Variants in CAPN9 observed in about 807,000 individuals in gnomAD.
CAPN9 encodes calpain 9.
Under a neutral mutation model 92.8 loss-of-function variants are expected in CAPN9, and 81 were observed. The ratio of observed to expected loss-of-function variants is 0.87; its 90% CI spans 0.73 to 1.05. CAPN9 has a LOEUF of 1.05. CAPN9 is among the 50% of genes least tolerant of loss of function. CAPN9 has a pLI of 0.00. For missense variants in CAPN9, 848 were observed against 866.2 expected (o/e 0.98, Z 0.26); for synonymous variants, 304 against 328.0 (o/e 0.93, Z 0.79).
At position 230,748,201 on chromosome 1, in the gene CAPN9, C is replaced by T. The variant is rs571020230; in HGVS notation, c.213+492C>T. 7.2e-5 allele frequency among the ~76,000 whole-genome samples: 11 copies of T among 152,314 alleles called. No homozygotes were observed. The South Asian group carries it at 2.1e-3, about 29-fold the overall frequency. ...TACAAGGGAAGCAGGAATCTTCTCC[C>T]GAGAACCATGCACCCCCCATTCCCA... On this transcript the variant is annotated intron_variant, in intron 1 of 19. Coordinates refer to ENST00000271971, the MANE Select transcript of CAPN9 (RefSeq NM_006615.3).
At chr1:230,751,440 GAGA>G (rs1232203017) in intron 1 of CAPN9, among the ~76,000 whole-genome samples, 1 of 150,590 alleles carries the variant, frequency 6.6e-6, no homozygotes, top group South Asian at 2.1e-4. Flanking sequence ...GAGAAAAAGA[GAGA>G]AGGAGAGGAA....
intron 1 of CAPN9, among the ~76,000 whole-genome samples, chr1:230,751,743 C>CG (rs1664855776): frequency 6.6e-6 from 1 of 151,628 alleles, no homozygotes; most frequent in African/African-American, 2.4e-5. Context: ...AGTGTGTCTT[C>CG]GGCTGAGCCC....
In CAPN9 at chr1:230,747,659, C is replaced by G. The variant is rs753465995; in HGVS notation, c.163C>G (p.Leu55Val). Residue 55 changes from leucine (L) to valine (V), a missense_variant, in exon 1 of 20, where the codon CTG (leucine) becomes GTG (valine). Leu to Val is a conservative substitution (Grantham distance 32, BLOSUM62 1). Transcript: ENST00000271971. ...DADFPASNSS[L>V]FYSERPQIPF... Reference sequence around the variant, plus strand: ...AGACTTCCCAGCCAGCAATTCCTCCCTGTTCTACAGTGAGAGGCCGCAGAT... The same window carrying G: ...AGACTTCCCAGCCAGCAATTCCTCCGTGTTCTACAGTGAGAGGCCGCAGAT... The G allele has an allele frequency of 4.3e-6, 7 of 1,614,082 alleles. No homozygotes were observed. The highest frequency in any genetic ancestry group is 5.9e-6 in the Non-Finnish European group (7 of 1,180,054).
At chr1:230,774,756 T>TTC in intron 8 of CAPN9, 125 bp downstream of exon 8, 1 of 657,636 alleles carries the variant, frequency 1.5e-6, no homozygotes, top group Non-Finnish European at 2.5e-6. Flanking sequence ...TTTTTTTTTT[T>TTC]TTGAGACGGA....
chr1:230,792,970 G>GGTACT, intron 17 of CAPN9, 42 bp downstream of exon 17: 1 of 1,492,750 alleles, frequency 6.7e-7, no homozygotes, highest in Non-Finnish European at 9.3e-7. Context: ...CTGCATGCCA[G>GGTACT]GTACTGCCTG....
At chr1:230,752,602 G>T (rs1048409792) in intron 1 of CAPN9, 1 of 855,032 alleles carries the variant, frequency 1.2e-6, no homozygotes, top group Non-Finnish European at 1.4e-6. Context: ...GGGGAGGGGA[G>T]GGGCAGGGAG....
At chr1:230,758,042 C>T (rs921681098) in intron 2 of CAPN9, among the ~76,000 whole-genome samples, 3 of 152,112 alleles carry the variant, frequency 2.0e-5, no homozygotes, top group African/African-American at 7.2e-5. Context: ...AGCTGGGTGG[C>T]CAGCCCCATC....
intron 4 of CAPN9, among the ~76,000 whole-genome samples, chr1:230,765,092 G>A (rs1014940264): frequency 6.6e-6 from 1 of 151,872 alleles, no homozygotes; most frequent in East Asian, 1.9e-4. Context: ...TGGAGATAAG[G>A]CTGATTCTAG....
rs770537258 is a variant in CAPN9, at chr1:230,795,251, C to T, written c.1959C>T (p.Asn653=). ...AGCTGGACTTCGATGACTTCCTCAA[C>T]TGCCTGGTCCGGCTGGAGAATGCGA... ...ELQLDFDDFL[N]CLVRLENASR... The change falls in exon 18 of 20, where the codon AAC becomes AAT. Residue 653 remains asparagine (N), a synonymous_variant. Transcript: ENST00000271971. The T allele has an allele frequency of 8.1e-6, 13 of 1,612,394 alleles. No individual in the cohort carries two copies. The South Asian group carries it at 1.2e-4, about 15-fold the overall frequency.
intron 1 of CAPN9, among the ~76,000 whole-genome samples, chr1:230,751,208 G>A (rs1260260946): frequency 2.0e-5 from 3 of 152,180 alleles, no homozygotes; most frequent in South Asian, 2.1e-4. Context: ...TGAGCTTGCC[G>A]TTCCCTGTGC....
chr1:230,791,795 T>C (rs944494343), intron 14 of CAPN9, 69 bp from the exon 15 acceptor site: 4 of 1,245,506 alleles, frequency 3.2e-6, no homozygotes, highest in African/African-American at 3.0e-5. Context: ...ATTATTGGGC[T>C]TTCAGCAGAT....
intron 19 of CAPN9, among the ~76,000 whole-genome samples, chr1:230,800,310 A>G (rs12093410): frequency 0.021 from 1,632 of 77,064 alleles, 47 homozygotes; most frequent in African/African-American, 0.031. Context: ...AAGAAAGGAA[A>G]AACAAGAGAG....
Position 230,772,205 on chromosome 1 carries a change from C to A in CAPN9, c.875+106C>A, listed in dbSNP as rs528908904. 7.5e-6 allele frequency: 7 copies of A among 936,994 alleles called. No homozygotes were observed. In the African/African-American group the frequency reaches 1.1e-4, roughly 15 times the overall value. The allele number at this position is 936,994 out of a possible 1,614,324, so 58.0% of individuals were successfully genotyped here. ...GTGGCCTGTCTACTATCCTCCCGGG[C>A]TCTGACTCAGGATCCTGTCCCGATT... On this transcript the variant is annotated intron_variant, in intron 7 of 19. Transcript: ENST00000271971.
chr1:230,778,130 ACAG>A (rs1215584812), intron 8 of CAPN9, among the ~76,000 whole-genome samples: 6 of 152,054 alleles, frequency 3.9e-5, no homozygotes, highest in Non-Finnish European at 8.8e-5. Flanking sequence ...CTGCCCCACC[ACAG>A]CCTTCCCCAT....
At chr1:230,788,807 C>T (rs1189670146) in intron 13 of CAPN9, among the ~76,000 whole-genome samples, 1 of 152,126 alleles carries the variant, frequency 6.6e-6, no homozygotes, top group Non-Finnish European at 1.5e-5. Flanking sequence ...GGGTCAGACC[C>T]AGCAAGACAG....
intron 8 of CAPN9, 71 bp from the exon 9 acceptor site, chr1:230,778,902 A>C (rs1042464540): frequency 4.6e-6 from 6 of 1,307,824 alleles, no homozygotes; most frequent in Admixed American, 4.1e-5. Context: ...TGAATGATTT[A>C]ATGAATGAGT....
chr1:230,800,096 T>C (rs1490027727), intron 19 of CAPN9, among the ~76,000 whole-genome samples: 3 of 151,430 alleles, frequency 2.0e-5, no homozygotes, highest in Non-Finnish European at 4.4e-5. Context: ...GAGAATGGCA[T>C]GAACCCGGGA....
intron 7 of CAPN9, among the ~76,000 whole-genome samples, chr1:230,773,756 G>A (rs1666545393): frequency 1.3e-5 from 2 of 152,266 alleles, no homozygotes; most frequent in African/African-American, 2.4e-5. Flanking sequence ...GACAGGTCCC[G>A]GCTGATCCTC....
At chr1:230,785,857 A>G (rs1277587925) in intron 11 of CAPN9, 124 bp from the exon 12 acceptor site, 1 of 893,908 alleles carries the variant, frequency 1.1e-6, no homozygotes, top group Non-Finnish European at 1.8e-6. Context: ...TGAAATGTAA[A>G]CAGCACTGAA....
Sources: gnomAD v4.1 joint callset for allele counts (sites outside exome capture counted in the v4.1 genomes callset) on GRCh38, gnomAD v4.1.1 for gene constraint, MANE v1.5 for transcripts, NCBI Gene and HGNC (gene_info 2026-07-23, HGNC 2026-07-21) for gene names.